Variants in ADGRV1 observed in about 807,000 individuals in gnomAD.
The protein encoded by ADGRV1 is adhesion G protein-coupled receptor V1.
Under a neutral mutation model 596.2 loss-of-function variants are expected in ADGRV1, and 359 were observed. The observed-to-expected ratio is 0.60, with a 90% confidence interval of 0.55 to 0.66. ADGRV1 has a LOEUF of 0.66. Among genes scored for constraint, ADGRV1 ranks in the 30% least tolerant of loss-of-function variants. ADGRV1 has a pLI of 0.00. For missense variants in ADGRV1, 7,274 were observed against 7,575.6 expected (o/e 0.96, Z 1.48); for synonymous variants, 2,681 against 2,679.2 (o/e 1.00, Z -0.02).
intron 80 of ADGRV1, 111 bp downstream of exon 80, chr5:90,853,644 G>C: frequency 1.1e-6 from 1 of 916,402 alleles, no homozygotes. Flanking sequence ...TACACATGGT[G>C]AACTACTATG....
chr5:90,958,512 G>A (rs11744253), intron 83 of ADGRV1, among the ~76,000 whole-genome samples: 46,958 of 151,886 alleles, frequency 0.31, 7,808 homozygotes, highest in African/African-American at 0.44. Flanking sequence ...GGCTGCCATA[G>A]CAAAGTAACA....
At position 90,725,211 on chromosome 5, in the gene ADGRV1, A is replaced by G. The variant is rs748800562; in HGVS notation, c.10032A>G (p.Thr3344=). 2.7e-6 allele frequency: 4 copies of G among 1,479,132 alleles called. No individual in the cohort carries two copies. The highest frequency in any genetic ancestry group is 2.9e-5 in the African/African-American group (2 of 69,764). The allele number at this position is 1,479,132 out of a possible 1,614,324, so 91.6% of individuals were successfully genotyped here. The change falls in exon 47 of 90, where the codon ACA becomes ACG. Residue 3344 remains threonine, a synonymous_variant. Coordinates refer to ENST00000405460, the MANE Select transcript of ADGRV1 (RefSeq NM_032119.4). ...CTCTTAACAGTGTGTTTACATTCACATCTGGATTTAAATTATTCCTGGTAA... is the reference window on the plus strand; with the variant it reads ...CTCTTAACAGTGTGTTTACATTCACGTCTGGATTTAAATTATTCCTGGTAA... ...KPSLNSVFTF[T]SGFKLFLVQT... is the part of the protein sequence containing the mutation.
chr5:90,854,405 T>C (rs1028128719), intron 81 of ADGRV1, among the ~76,000 whole-genome samples: 58 of 152,292 alleles, frequency 3.8e-4, no homozygotes, highest in African/African-American at 1.3e-3. Context: ...TTTCAATATG[T>C]GTGTAACACA....
intron 82 of ADGRV1, among the ~76,000 whole-genome samples, chr5:90,856,589 T>C: frequency 6.6e-6 from 1 of 152,186 alleles, no homozygotes; most frequent in East Asian, 1.9e-4. Context: ...TTCTGTGCCC[T>C]GATTCTCTTC....
At chr5:90,757,211 T>C (rs1169697267) in intron 57 of ADGRV1, 50 bp downstream of exon 57, 1 of 1,476,042 alleles carries the variant, frequency 6.8e-7, no homozygotes, top group Non-Finnish European at 9.4e-7. Context: ...CTTCAGACAT[T>C]TTGTAGGCAT....
At chr5:91,014,611 T>G (rs1783026789) in intron 85 of ADGRV1, among the ~76,000 whole-genome samples, 1 of 95,282 alleles carries the variant, frequency 1.0e-5, no homozygotes, top group South Asian at 3.3e-4. Context: ...TTCATCCTGA[T>G]TCAGTCTTGG....
intron 34 of ADGRV1, among the ~76,000 whole-genome samples, chr5:90,701,446 C>G (rs760101347): frequency 6.6e-6 from 1 of 151,914 alleles, no homozygotes; most frequent in South Asian, 2.1e-4. Flanking sequence ...TAAATACCTC[C>G]CTTTTGATTA....
At chr5:90,821,494 G>A (rs1304202025) in intron 75 of ADGRV1, among the ~76,000 whole-genome samples, 1 of 151,242 alleles carries the variant, frequency 6.6e-6, no homozygotes, top group Admixed American at 6.6e-5. Flanking sequence ...GAGGCGCTCT[G>A]CGTTTTAGAG....
rs765063974 is a variant in ADGRV1, at chr5:90,810,598, T to G, written c.15338T>G (p.Leu5113Arg). Residue 5113 changes from leucine (L) to arginine (R), a missense_variant, in exon 74 of 90, where the codon CTG becomes CGG. Transcript: ENST00000405460. ...QKFDVNWSPR[L>R]NLDFSVAVIT... Reference sequence around the variant, plus strand: ...TTTGATGTTAATTGGAGCCCACGCCTGAATCTAGATTTCAGTGTTGCAGTG... The same window carrying G: ...TTTGATGTTAATTGGAGCCCACGCCGGAATCTAGATTTCAGTGTTGCAGTG... 20 of 1,614,004 alleles carry G rather than the reference T, an allele frequency of 1.2e-5. No homozygotes were observed. The highest frequency in any genetic ancestry group is 1.7e-5 in the Admixed American group (1 of 60,022).
intron 75 of ADGRV1, among the ~76,000 whole-genome samples, chr5:90,816,590 G>T (rs1194318523): frequency 8.8e-5 from 12 of 136,904 alleles, no homozygotes; most frequent in East Asian, 2.1e-4. Flanking sequence ...GTCCCCAGTG[G>T]GTGATGTTCC....
At chr5:90,811,869 C>G (rs1040236788) in intron 74 of ADGRV1, among the ~76,000 whole-genome samples, 2 of 150,884 alleles carry the variant, frequency 1.3e-5, no homozygotes, top group African/African-American at 4.9e-5. Context: ...TTTTGTTTCT[C>G]ATGTATCTTA....
chr5:90,655,918 CAT>C (rs1271807477), intron 20 of ADGRV1: 3 of 152,172 alleles, frequency 2.0e-5, no homozygotes, highest in African/African-American at 7.2e-5. Context: ...ATACTGTTAA[CAT>C]GTTCGTATAC....
intron 21 of ADGRV1, among the ~76,000 whole-genome samples, chr5:90,663,073 C>G (rs981211241): frequency 2.0e-5 from 3 of 149,800 alleles, no homozygotes; most frequent in African/African-American, 7.4e-5. Flanking sequence ...AATAAACATA[C>G]GTGTGCATGT....
intron 1 of ADGRV1, among the ~76,000 whole-genome samples, chr5:90,571,088 G>T (rs1280916099): frequency 6.6e-6 from 1 of 151,814 alleles, no homozygotes; most frequent in African/African-American, 2.4e-5. Flanking sequence ...TTTTATTGTT[G>T]TTTGTTTAGT....
At chr5:90,678,748 A>T (rs887142493) in intron 25 of ADGRV1, among the ~76,000 whole-genome samples, 6 of 151,354 alleles carry the variant, frequency 4.0e-5, no homozygotes, top group Non-Finnish European at 5.9e-5. Context: ...CTCCCAGGAT[A>T]ACAACATTAA....
intron 1 of ADGRV1, among the ~76,000 whole-genome samples, chr5:90,566,320 C>T (rs1352759159): frequency 6.6e-6 from 1 of 151,908 alleles, no homozygotes; most frequent in Admixed American, 6.6e-5. Context: ...GTTTTTATTC[C>T]ATTTTGTGTT....
chr5:90,574,790 T>C (rs148466125), intron 1 of ADGRV1, among the ~76,000 whole-genome samples: 46 of 152,318 alleles, frequency 3.0e-4, no homozygotes, highest in African/African-American at 1.1e-3. Context: ...GTTCAGGGTT[T>C]CAAGCTCTTC....
intron 83 of ADGRV1, among the ~76,000 whole-genome samples, chr5:90,864,138 T>C (rs930751016): frequency 2.0e-5 from 3 of 152,162 alleles, no homozygotes; most frequent in Non-Finnish European, 4.4e-5. Context: ...TGAATGTATT[T>C]GTAATTTATA....
In ADGRV1 at chr5:90,954,079, C is replaced by T. The variant is rs185487852; in HGVS notation, c.17857-11336C>T. Among the ~76,000 whole-genome samples, 383 of 151,390 alleles carry T rather than the reference C, an allele frequency of 2.5e-3. 1 individual carries two copies. The highest frequency in any genetic ancestry group is 5.8e-3 in the African/African-American group (241 of 41,278). ...GGTAACTAAGGGGTAACTCAGCTAA[C>T]GTGGCTTTTTAATGATAACAAAATA... On this transcript the variant is annotated intron_variant, in intron 83 of 89. Coordinates refer to ENST00000405460, the MANE Select transcript of ADGRV1 (RefSeq NM_032119.4).
Sources: allele counts gnomAD v4.1 joint callset (sites outside exome capture counted in the v4.1 genomes callset), GRCh38; gene constraint gnomAD v4.1.1; transcripts MANE v1.5; gene names NCBI Gene and HGNC (gene_info 2026-07-23, HGNC 2026-07-21).